The following NAALADL2 variants were observed in gnomAD, a reference collection of about 807,000 sequenced individuals.
The protein encoded by NAALADL2 is N-acetylated alpha-linked acidic dipeptidase like 2, also known as inactive N-acetylated-alpha-linked acidic dipeptidase-like protein 2.
A neutral mutation model predicts 87.2 loss-of-function variants in NAALADL2; 76 were observed. That is an observed-to-expected ratio of 0.87 (90% confidence interval 0.72 to 1.05). The LOEUF is 1.05. NAALADL2 is among the 50% of genes least tolerant of loss of function. The pLI, the probability that NAALADL2 is intolerant of heterozygous loss-of-function variation, is 0.00. For synonymous variants in NAALADL2, 354 were observed against 331.0 expected, an observed-to-expected ratio of 1.07 and a Z score of -0.75; for missense variants, 1,089 against 945.8, an observed-to-expected ratio of 1.15 and a Z score of -1.99.
chr3:174,990,411 G>A (rs893363907), intron 1 of NAALADL2, among the ~76,000 whole-genome samples: 5 of 152,170 alleles, frequency 3.3e-5, no homozygotes, highest in East Asian at 1.9e-4. Context: ...CAAGCCTTGC[G>A]TCTCGTAGGA....
chr3:174,546,509 C>A (rs942400144), intron 1 of NAALADL2, among the ~76,000 whole-genome samples: 1 of 152,092 alleles, frequency 6.6e-6, no homozygotes. Flanking sequence ...CTTGCTGAAC[C>A]CCCCCAGGGG....
chr3:175,022,330 C>A (rs191637256), intron 1 of NAALADL2, among the ~76,000 whole-genome samples: 2 of 151,836 alleles, frequency 1.3e-5, no homozygotes. Flanking sequence ...TTGCTGGGTC[C>A]GGGGCTCTGT....
chr3:175,200,947 G>GTA lies in NAALADL2; in HGVS notation c.546-32982_546-32981dup, dbSNP rs1297160267. 3.3e-5 allele frequency among the ~76,000 whole-genome samples: 5 copies of GTA among 152,004 alleles called. No homozygotes were observed. In the East Asian group the frequency reaches 9.7e-4, roughly 29 times the overall value. On this transcript the variant is annotated intron_variant, in intron 2 of 13. Transcript: ENST00000454872. ...CTCCAATCCAAGTCACATTATCCTA[G>GTA]TATTTTTCCCTTGACTCTTCTCCAT... is the stretch of plus-strand genomic sequence containing the variant.
chr3:174,835,486 C>G (rs1434983708), intron 3 of NAALADL2, among the ~76,000 whole-genome samples: 1 of 151,852 alleles, frequency 6.6e-6, no homozygotes, highest in Non-Finnish European at 1.5e-5. Context: ...ACAAGCAATA[C>G]AAGTAAAAAT....
rs1721280180 is a variant in NAALADL2, at chr3:175,097,049, A to G, written c.303A>G (p.Gln101=). The G allele has an allele frequency of 1.2e-6, 2 of 1,613,774 alleles. No individual in the cohort carries two copies. Among genetic ancestry groups the G allele is most frequent in the Non-Finnish European group, 1.7e-6 (2 of 1,179,754 alleles). The change falls in exon 2 of 14, where the codon CAA becomes CAG. Residue 101 remains glutamine (Q), a synonymous_variant. Transcript: ENST00000454872. ...CCAAAGGAAGGTTCCAGAGACTTCA[A>G]GAAGAATCTGACTACATTACCCATT... ...TSPKGRFQRL[Q]EESDYITHYT... is the part of the protein sequence containing the mutation.
chr3:175,251,044 T>C (rs11914472), intron 3 of NAALADL2, among the ~76,000 whole-genome samples: 9 of 152,190 alleles, frequency 5.9e-5, no homozygotes, highest in African/African-American at 2.2e-4. Flanking sequence ...ACGAGATTTC[T>C]ATAAAAACGA....
At chr3:175,023,531 A>G (rs906780093) in intron 1 of NAALADL2, among the ~76,000 whole-genome samples, 2 of 152,112 alleles carry the variant, frequency 1.3e-5, no homozygotes, top group African/African-American at 4.8e-5. Context: ...TTTATTCTCA[A>G]AAAGGGGAAA....
chr3:174,559,669 CTCT>C (rs898809256), intron 2 of NAALADL2, among the ~76,000 whole-genome samples: 2 of 152,112 alleles, frequency 1.3e-5, no homozygotes, highest in Admixed American at 6.5e-5. Context: ...GGTGAGGGCC[CTCT>C]TCTTTGTTAA....
intron 3 of NAALADL2, among the ~76,000 whole-genome samples, chr3:174,751,005 C>A (rs1210492293): frequency 6.6e-6 from 1 of 151,970 alleles, no homozygotes; most frequent in Non-Finnish European, 1.5e-5. Flanking sequence ...ATGTTTTCTT[C>A]AATTATAATA....
rs563723618 is a variant in NAALADL2 at position 175,567,927 on chromosome 3, G to A, written c.1654-8114G>A. Among the ~76,000 whole-genome samples the A allele has an allele frequency of 3.3e-5, 5 of 152,098 alleles. No individual in the cohort carries two copies. The South Asian group carries it at 1.0e-3, about 32-fold the overall frequency. The stretch of plus-strand genomic sequence containing the variant: ...GACACAGTTTCGCCATGTTGGCAAG[G>A]CTGGTCTCGAACTCCTGGCTTCAAG... On this transcript the variant is annotated intron_variant, in intron 9 of 13. Coordinates refer to ENST00000454872, the MANE Select transcript of NAALADL2 (RefSeq NM_207015.3).
intron 2 of NAALADL2, among the ~76,000 whole-genome samples, chr3:174,731,986 C>T (rs1010721344): frequency 6.6e-6 from 1 of 152,092 alleles, no homozygotes; most frequent in African/African-American, 2.4e-5. Context: ...ATAAACAATA[C>T]ATAAATGAAT....
intron 1 of NAALADL2, among the ~76,000 whole-genome samples, chr3:174,450,890 AAAAGAAAG>A (rs1180049553): frequency 1.3e-5 from 2 of 150,076 alleles, no homozygotes; most frequent in Non-Finnish European, 1.5e-5. Flanking sequence ...AAAAAAAAAA[AAAAGAAAG>A]AAAGAAAAAG....
intron 5 of NAALADL2, among the ~76,000 whole-genome samples, chr3:175,337,712 A>T (rs1762135064): frequency 6.6e-6 from 1 of 151,674 alleles, no homozygotes. Flanking sequence ...CTAATACAAA[A>T]ACAAACAAAC....
At chr3:174,442,420 C>G (rs183593898) in intron 1 of NAALADL2, among the ~76,000 whole-genome samples, 1 of 151,758 alleles carries the variant, frequency 6.6e-6, no homozygotes, top group Non-Finnish European at 1.5e-5. Context: ...GCAGTAATGT[C>G]TGATCTCAAG....
intron 4 of NAALADL2, among the ~76,000 whole-genome samples, chr3:175,311,026 A>T (rs928733334): frequency 6.6e-6 from 1 of 151,968 alleles, no homozygotes; most frequent in African/African-American, 2.4e-5. Flanking sequence ...TGAGGAGTGG[A>T]ATCACCTTAG....
chr3:175,379,003 T>G (rs1361833532), intron 5 of NAALADL2, among the ~76,000 whole-genome samples: 1 of 152,172 alleles, frequency 6.6e-6, no homozygotes, highest in African/African-American at 2.4e-5. Context: ...GGTTGCATAT[T>G]TTCAAGTGCC....
intron 3 of NAALADL2, among the ~76,000 whole-genome samples, chr3:174,783,198 T>G (rs1272790682): frequency 6.6e-6 from 1 of 152,228 alleles, no homozygotes; most frequent in Non-Finnish European, 1.5e-5. Flanking sequence ...AACTCCCATG[T>G]AAGTATAGAA....
intron 10 of NAALADL2, among the ~76,000 whole-genome samples, chr3:175,586,982 AG>A (rs11285236): frequency 0.13 from 19,792 of 152,148 alleles, 1,418 homozygotes; most frequent in Middle Eastern, 0.18. Flanking sequence ...CCAGCAGTTC[AG>A]GGATGATTTT....
intron 13 of NAALADL2, among the ~76,000 whole-genome samples, chr3:175,798,555 T>C (rs1288988679): frequency 1.3e-5 from 2 of 152,072 alleles, no homozygotes; most frequent in Non-Finnish European, 2.9e-5. Context: ...AAAAGCATGT[T>C]ACTATGTTGC....
Sources: gnomAD v4.1 joint callset for allele counts (sites outside exome capture counted in the v4.1 genomes callset) on GRCh38, gnomAD v4.1.1 for gene constraint, MANE v1.5 for transcripts, NCBI Gene and HGNC (gene_info 2026-07-23, HGNC 2026-07-21) for gene names.